Variants in BIN2 observed in about 807,000 individuals in gnomAD.
BIN2 encodes breast cancer associated protein BRAP1.
In BIN2, 43 loss-of-function variants were observed where a neutral mutation model predicts 67.9. The ratio of observed to expected loss-of-function variants is 0.63; its 90% CI spans 0.50 to 0.82. The LOEUF is 0.82. Ranked by LOEUF, BIN2 falls within the 40% of genes least tolerant of loss-of-function variation. The pLI is 0.00. For synonymous variants in BIN2, 244 were observed against 246.8 expected, an observed-to-expected ratio of 0.99 and a Z score of 0.11; for missense variants, 581 against 671.6, an observed-to-expected ratio of 0.87 and a Z score of 1.49.
At chr12:51,283,323 C>T (rs189075195) in intron 12 of BIN2, among the ~76,000 whole-genome samples, 165 of 151,594 alleles carry the variant, frequency 1.1e-3, no homozygotes, top group African/African-American at 3.8e-3. Flanking sequence ...GTAAAACAGC[C>T]TCAAGTAGAT....
intron 5 of BIN2, 109 bp downstream of exon 5, chr12:51,301,911 C>T: frequency 1.3e-6 from 1 of 770,068 alleles, no homozygotes; most frequent in East Asian, 2.7e-5. Context: ...CTTACCCAAA[C>T]TTCATTCTTA....
chr12:51,321,159 G>A (rs1368879275), intron 1 of BIN2, among the ~76,000 whole-genome samples: 2 of 152,144 alleles, frequency 1.3e-5, no homozygotes, highest in Non-Finnish European at 2.9e-5. Flanking sequence ...CAGGAAGTGG[G>A]GGAGGCACAG....
intron 4 of BIN2, 52 bp downstream of exon 4, chr12:51,302,634 G>C: frequency 1.4e-6 from 2 of 1,435,718 alleles, no homozygotes; most frequent in Non-Finnish European, 2.0e-6. Flanking sequence ...CTGAGGTTGA[G>C]ATGCAAACAG....
intron 4 of BIN2, 83 bp downstream of exon 4, chr12:51,302,603 T>C: frequency 8.4e-7 from 1 of 1,191,646 alleles, no homozygotes; most frequent in Non-Finnish European, 1.2e-6. Context: ...TTTTCCTATT[T>C]TCTTGGATAG....
At chr12:51,284,835 GC>G (rs1945198769) in intron 11 of BIN2, 48 bp from the exon 12 acceptor site, 1 of 1,377,562 alleles carries the variant, frequency 7.3e-7, no homozygotes, top group South Asian at 1.2e-5. Flanking sequence ...AACCTTTCCA[GC>G]CTCTCAGCAT....
intron 8 of BIN2, 104 bp from the exon 9 acceptor site, chr12:51,295,982 C>G (rs1945556338): frequency 1.2e-6 from 1 of 867,646 alleles, no homozygotes; most frequent in Non-Finnish European, 1.9e-6. Context: ...TAAAACCTCC[C>G]CCTTTCAATT....
At chr12:51,313,699 A>T in intron 2 of BIN2, 124 bp downstream of exon 2, 1 of 861,420 alleles carries the variant, frequency 1.2e-6, no homozygotes, top group South Asian at 1.5e-5. Context: ...GTAGCCCTTA[A>T]CCCTAGGGGG....
chr12:51,318,407 G>A (rs1946186525), intron 1 of BIN2, among the ~76,000 whole-genome samples: 2 of 152,018 alleles, frequency 1.3e-5, no homozygotes, highest in Admixed American at 1.3e-4. Context: ...GATTACAGGT[G>A]CCCACCACCA....
In BIN2 at chr12:51,291,660, T is replaced by C; in HGVS notation, c.1446A>G (p.Lys482=). 6.2e-7 allele frequency: 1 copy of C among 1,613,662 alleles called. No individual in the cohort carries two copies. Among genetic ancestry groups the C allele is most frequent in the African/African-American group, 1.3e-5 (1 of 75,028 alleles). Reference sequence around the variant, plus strand: ...TCTGATTGTGGATGTTTTCATTTTCTTTGGCCTCAGGAGTTCTTACTGGCT... The same window carrying C: ...TCTGATTGTGGATGTTTTCATTTTCCTTGGCCTCAGGAGTTCTTACTGGCT... ...PEKPVRTPEA[K]ENENIHNQNP... The change falls in exon 10 of 13, where the codon AAA becomes AAG. Residue 482 remains lysine, a synonymous_variant. Transcript: ENST00000615107.
At chr12:51,300,054 T>C (rs1013831260) in intron 5 of BIN2, among the ~76,000 whole-genome samples, 1 of 152,042 alleles carries the variant, frequency 6.6e-6, no homozygotes, top group African/African-American at 2.4e-5. Context: ...GCCAGGCTGG[T>C]CTCGAACTCC....
rs1945537612 is a variant in BIN2 at position 51,295,580 on chromosome 12, ATATATATATATATATATAT to A, written c.761+197_761+215del. 8.9e-4 allele frequency among the ~76,000 whole-genome samples: 35 copies of A among 39,460 alleles called. 5 individuals are homozygous for A. The highest frequency in any genetic ancestry group is 3.4e-3 in the Admixed American group (10 of 2,918). The allele number at this position is 39,460 out of a possible 152,430, so 25.9% of individuals were successfully genotyped here. A position where few individuals can be genotyped will look rare whatever the true frequency, so the allele number is the denominator to read the frequency against. ...TCCGTCTCAAAAAAAAAAAAAAAAT[ATATATATATATATATATAT>A]ATATATATATATATATATATATATA... On this transcript the variant is annotated intron_variant, in intron 9 of 12. Transcript: ENST00000615107.
At chr12:51,313,421 C>T (rs1946048480) in intron 2 of BIN2, among the ~76,000 whole-genome samples, 1 of 151,624 alleles carries the variant, frequency 6.6e-6, no homozygotes, top group African/African-American at 2.4e-5. Context: ...TCACTGCAAC[C>T]TCTGCCTCCC....
chr12:51,323,887 G>C, intron 1 of BIN2, 135 bp downstream of exon 1: 1 of 1,072,952 alleles, frequency 9.3e-7, no homozygotes, highest in South Asian at 1.7e-5. Context: ...TTCCCTGGGA[G>C]AGCGGGAGAC....
chr12:51,296,050 C>T (rs777639134), intron 8 of BIN2, among the ~76,000 whole-genome samples, 172 bp from the exon 9 acceptor site: 1 of 152,072 alleles, frequency 6.6e-6, no homozygotes, highest in Non-Finnish European at 1.5e-5. Context: ...TGTCCCGCCA[C>T]CCCCTCTTCC....
At chr12:51,318,254 T>A (rs189676359) in intron 1 of BIN2, among the ~76,000 whole-genome samples, 2 of 149,724 alleles carry the variant, frequency 1.3e-5, no homozygotes, top group Non-Finnish European at 1.5e-5. Flanking sequence ...CTGATTCATA[T>A]CTCCATTCTT....
In BIN2 at chr12:51,289,488, G is replaced by A. The variant is rs563350042; in HGVS notation, c.1516-1300C>T. On this transcript the variant is annotated intron_variant, in intron 10 of 12. Transcript: ENST00000615107. ...AAATGAGGCAGGCATGGTGGCATGC[G>A]CCTGTAGTACCAGCTACGTGGGAGG... is the stretch of plus-strand genomic sequence containing the variant. 5.3e-5 allele frequency among the ~76,000 whole-genome samples: 8 copies of A among 152,086 alleles called. No individual in the cohort carries two copies. The East Asian group carries it at 9.8e-4, about 19-fold the overall frequency.
chr12:51,288,310 T>G (rs577303117), intron 10 of BIN2, 122 bp from the exon 11 acceptor site: 1 of 717,356 alleles, frequency 1.4e-6, no homozygotes, highest in East Asian at 2.7e-5. Context: ...GTAGCCTTGG[T>G]CAGACACAGG....
intron 1 of BIN2, chr12:51,322,599 C>T (rs1946314293): frequency 8.8e-6 from 1 of 113,152 alleles, no homozygotes; most frequent in South Asian, 2.6e-4. Flanking sequence ...AGTGTTTTGT[C>T]TTTTAGGGTT....
At chr12:51,316,788 T>C (rs1023363207) in intron 1 of BIN2, among the ~76,000 whole-genome samples, 3 of 152,188 alleles carry the variant, frequency 2.0e-5, no homozygotes, top group Non-Finnish European at 2.9e-5. Flanking sequence ...CTTCATCCCA[T>C]TGATCGATTA....
Sources: allele counts gnomAD v4.1 joint callset (sites outside exome capture counted in the v4.1 genomes callset), GRCh38; gene constraint gnomAD v4.1.1; transcripts MANE v1.5; gene names NCBI Gene and HGNC (gene_info 2026-07-23, HGNC 2026-07-21).